Variants in SMAD9 observed in about 807,000 individuals in gnomAD.
SMAD9 encodes MAD homolog 9.
In SMAD9, 36 loss-of-function variants were observed where a neutral mutation model predicts 46.1. That is an observed-to-expected ratio of 0.78 (90% CI 0.60 to 1.03). The LOEUF (loss-of-function observed/expected upper bound fraction) is 1.03, where lower values mean the gene tolerates loss of function less well. Among genes scored for constraint, SMAD9 ranks in the 50% least tolerant of loss-of-function variants. The pLI is 0.00. For missense variants in SMAD9, 572 were observed against 599.8 expected (o/e 0.95, Z 0.48); for synonymous variants, 245 against 237.1 (o/e 1.03, Z -0.31).
At chr13:36,853,319 A>C (rs911231704) in intron 6 of SMAD9, 100 bp downstream of exon 6, 2 of 1,139,184 alleles carry the variant, frequency 1.8e-6, no homozygotes, top group Non-Finnish European at 2.6e-6. Context: ...GGTTTTGTCT[A>C]TCAGAATTGA....
In SMAD9 at chr13:36,879,767, A is replaced by AG. The variant is rs2138499266; in HGVS notation, c.-79dup. 6.4e-7 allele frequency: 1 copy of AG among 1,556,038 alleles called. No individual in the cohort carries two copies. Among genetic ancestry groups the AG allele is most frequent in the East Asian group, 2.2e-5 (1 of 44,540 alleles). On this transcript the variant is annotated 5_prime_UTR_variant, in exon 2 of 7. The change abolishes the stop of an existing upstream ORF in the 5' untranslated region. Coordinates refer to ENST00000379826, the MANE Select transcript of SMAD9 (RefSeq NM_001127217.3). ...CAAAGTGGGCGGCGAGTAGCTCTCC[A>AG]GGGGTGGCATAGGGACCAACCCGCC...
intron 5 of SMAD9, among the ~76,000 whole-genome samples, chr13:36,864,851 G>A (rs1593565709): frequency 6.6e-6 from 1 of 152,166 alleles, no homozygotes; most frequent in Non-Finnish European, 1.5e-5. Context: ...ATGACTGAAG[G>A]TTCTTCACAT....
At chr13:36,890,397 C>T (rs1439655146) in intron 1 of SMAD9, among the ~76,000 whole-genome samples, 1 of 152,188 alleles carries the variant, frequency 6.6e-6, no homozygotes, top group Non-Finnish European at 1.5e-5. Context: ...AAACACCAAG[C>T]ATCCTTAAAA....
chr13:36,898,810 T>C (rs1460132343), intron 1 of SMAD9, among the ~76,000 whole-genome samples: 1 of 152,176 alleles, frequency 6.6e-6, no homozygotes, highest in Non-Finnish European at 1.5e-5. Context: ...ATAGCTAACA[T>C]AATAATTAGT....
At chr13:36,910,599 C>A (rs550940046) in intron 1 of SMAD9, among the ~76,000 whole-genome samples, 1 of 152,166 alleles carries the variant, frequency 6.6e-6, no homozygotes, top group African/African-American at 2.4e-5. Context: ...CATTCCCAGC[C>A]TCATCTCTTT....
intron 1 of SMAD9, among the ~76,000 whole-genome samples, chr13:36,882,498 TCTCA>T (rs1360946146): frequency 6.6e-6 from 1 of 152,154 alleles, no homozygotes; most frequent in African/African-American, 2.4e-5. Flanking sequence ...TGCAGACCGA[TCTCA>T]CTGACACATT....
At chr13:36,853,781 G>C (rs2058096817) in intron 5 of SMAD9, 106 bp from the exon 6 acceptor site, 1 of 1,101,254 alleles carries the variant, frequency 9.1e-7, no homozygotes, top group African/African-American at 1.5e-5. Context: ...CAGGTTGTCA[G>C]ATCACTGATC....
chr13:36,868,644 G>T (rs908061703), intron 3 of SMAD9, among the ~76,000 whole-genome samples: 4 of 152,016 alleles, frequency 2.6e-5, no homozygotes, highest in African/African-American at 9.7e-5. Flanking sequence ...GGCTGAGGAG[G>T]ATCACTTGAA....
chr13:36,865,591 A>G lies in SMAD9; in HGVS notation c.949T>C (p.Ser317Pro). 1 of 1,614,094 alleles carries G rather than the reference A, an allele frequency of 6.2e-7. No individual in the cohort carries two copies. Residue 317 changes from serine to proline, a missense_variant, in exon 5 of 7, where the codon TCT (serine) becomes CCT (proline). Transcript: ENST00000379826. ...ATCGTTGAGTTTCTGTTTACATTAGAAAGAAGTCCAAGACAGAATCTGTTC... is the reference window on the plus strand; with the variant it reads ...ATCGTTGAGTTTCTGTTTACATTAGGAAGAAGTCCAAGACAGAATCTGTTC... ...NRNRFCLGLLSNVNRNSTIEN... is the reference protein window; with the variant it reads ...NRNRFCLGLLPNVNRNSTIEN...
chr13:36,900,197 T>C (rs1033232353), intron 1 of SMAD9, among the ~76,000 whole-genome samples: 1 of 152,222 alleles, frequency 6.6e-6, no homozygotes, highest in Non-Finnish European at 1.5e-5. Flanking sequence ...ACGTTCTTCA[T>C]GTTAGTATAC....
chr13:36,851,817 G>T, intron 6 of SMAD9: 8 of 981,158 alleles, frequency 8.2e-6, no homozygotes, highest in Non-Finnish European at 9.7e-6. Context: ...TGTGTCAATT[G>T]TGTAGCTTTA....
intron 1 of SMAD9, among the ~76,000 whole-genome samples, chr13:36,892,545 T>C (rs2058496240): frequency 6.6e-6 from 1 of 152,220 alleles, no homozygotes; most frequent in South Asian, 2.1e-4. Flanking sequence ...TCTGCTTGTA[T>C]AAATTTAACC....
At chr13:36,898,320 G>T (rs1254767796) in intron 1 of SMAD9, among the ~76,000 whole-genome samples, 1 of 152,006 alleles carries the variant, frequency 6.6e-6, no homozygotes, top group African/African-American at 2.4e-5. Context: ...GGCCCACATG[G>T]TTTCACTGGA....
At chr13:36,882,683 A>T (rs549174179) in intron 1 of SMAD9, among the ~76,000 whole-genome samples, 2 of 152,270 alleles carry the variant, frequency 1.3e-5, no homozygotes, top group African/African-American at 2.4e-5. Flanking sequence ...GCCTCCAGGT[A>T]GGCTAGAAAT....
In SMAD9 at chr13:36,847,276, T is replaced by C. The variant is rs1398223775; in HGVS notation, c.*1400A>G. 2 of 152,222 alleles carry C rather than the reference T, an allele frequency of 1.3e-5. No homozygotes were observed. Among genetic ancestry groups the C allele is most frequent in the African/African-American group, 2.4e-5 (1 of 41,452 alleles). 9.4% of individuals were successfully genotyped at this position (152,222 alleles called of 1,614,324 possible). ...GAAGAAACTTCTTGGATTACTGAAGTGCTGTCTGTTACAAGCATAACTGCC... is the reference window on the plus strand; with the variant it reads ...GAAGAAACTTCTTGGATTACTGAAGCGCTGTCTGTTACAAGCATAACTGCC... On this transcript the variant is annotated 3_prime_UTR_variant, in exon 7 of 7. Coordinates refer to ENST00000379826, the MANE Select transcript of SMAD9 (RefSeq NM_001127217.3).
chr13:36,853,590 G>T lies in SMAD9; in HGVS notation c.1089C>A (p.Asn363Lys), dbSNP rs1447317161. Residue 363 changes from asparagine to lysine, a missense_variant, in exon 6 of 7, where the codon AAC becomes AAA. Transcript: ENST00000379826. Reference sequence around the variant, plus strand: ...TAGCTGGGTGGAAGCCGTGTTGATAGTTGCAGTTCCGGCTCTGCACAAAGA... The same window carrying T: ...TAGCTGGGTGGAAGCCGTGTTGATATTTGCAGTTCCGGCTCTGCACAAAGA... ...SSIFVQSRNCNYQHGFHPATV... is the reference protein window; with the variant it reads ...SSIFVQSRNCKYQHGFHPATV... 2 of 1,614,156 alleles carry T rather than the reference G, an allele frequency of 1.2e-6. No homozygotes were observed. The highest frequency in any genetic ancestry group is 1.7e-6 in the Non-Finnish European group (2 of 1,180,026).
chr13:36,905,561 G>A (rs975715794), intron 1 of SMAD9, among the ~76,000 whole-genome samples: 5 of 151,876 alleles, frequency 3.3e-5, no homozygotes, highest in African/African-American at 9.7e-5. Context: ...TAAGAGACCA[G>A]CCTGGGCAAC....
chr13:36,885,354 G>A (rs926999450), intron 1 of SMAD9, among the ~76,000 whole-genome samples: 12 of 151,746 alleles, frequency 7.9e-5, no homozygotes, highest in Non-Finnish European at 1.5e-4. Context: ...TCTTATTACC[G>A]TACAACTTGA....
In SMAD9 at chr13:36,848,948, C is replaced by G. The variant is rs540650685; in HGVS notation, c.1261-129G>C. 23 of 799,086 alleles carry G rather than the reference C, an allele frequency of 2.9e-5. No homozygotes were observed. The East Asian group carries it at 4.8e-4, about 17-fold the overall frequency. The allele number at this position is 799,086 out of a possible 1,614,324, so 49.5% of individuals were successfully genotyped here. Reference sequence around the variant, plus strand: ...CTCCTGAGACCTGAGAGGGAGAGAACATGGCCTCTACCTTCCTGTAAACAC... The same window carrying G: ...CTCCTGAGACCTGAGAGGGAGAGAAGATGGCCTCTACCTTCCTGTAAACAC... On this transcript the variant is annotated intron_variant, in intron 6 of 6. Transcript: ENST00000379826.
Sources: allele counts gnomAD v4.1 joint callset (sites outside exome capture counted in the v4.1 genomes callset), GRCh38; gene constraint gnomAD v4.1.1; transcripts MANE v1.5; gene names NCBI Gene and HGNC (gene_info 2026-07-23, HGNC 2026-07-21).